CORIN: variants seen among roughly 807,000 people sequenced by gnomAD.
The protein encoded by CORIN is corin, serine peptidase.
CORIN carries 117 observed loss-of-function variants against 125.3 expected under a neutral mutation model. That is an observed-to-expected ratio of 0.93 (90% CI 0.80 to 1.09). The LOEUF is 1.09. Ranked by LOEUF, CORIN falls within the 50% of genes least tolerant of loss-of-function variation. CORIN has a pLI of 0.00. For missense variants in CORIN, 1,253 were observed against 1,306.7 expected (o/e 0.96, Z 0.63); for synonymous variants, 450 against 466.4 (o/e 0.96, Z 0.45).
At chr4:47,687,976 G>A (rs1048687119) in intron 6 of CORIN, among the ~76,000 whole-genome samples, 8 of 152,112 alleles carry the variant, frequency 5.3e-5, no homozygotes, top group African/African-American at 1.9e-4. Flanking sequence ...CCTGTGCAGG[G>A]TAGTTTGTTT....
intron 1 of CORIN, among the ~76,000 whole-genome samples, chr4:47,821,721 G>A (rs1038789321): frequency 6.6e-6 from 1 of 152,010 alleles, no homozygotes; most frequent in African/African-American, 2.4e-5. Flanking sequence ...TCTTCCCAGC[G>A]CTAAAGTTAT....
chr4:47,663,195 T>C (rs971473234), intron 11 of CORIN, among the ~76,000 whole-genome samples: 16 of 152,158 alleles, frequency 1.1e-4, no homozygotes, highest in Admixed American at 9.2e-4. Context: ...ATAGTCCTTG[T>C]AGTGTTCAGC....
At chr4:47,766,081 T>C (rs1239076778) in intron 3 of CORIN, among the ~76,000 whole-genome samples, 1 of 152,216 alleles carries the variant, frequency 6.6e-6, no homozygotes, top group Non-Finnish European at 1.5e-5. Context: ...GAGCTCAAAA[T>C]CGAATCTGGA....
intron 3 of CORIN, among the ~76,000 whole-genome samples, chr4:47,781,981 A>C (rs1230690112): frequency 6.6e-6 from 1 of 152,002 alleles, no homozygotes. Context: ...GAAATAAAGA[A>C]GGACATTTTA....
chr4:47,684,672 G>A (rs1725432279), intron 6 of CORIN, among the ~76,000 whole-genome samples: 1 of 152,282 alleles, frequency 6.6e-6, no homozygotes, highest in South Asian at 2.1e-4. Context: ...GAAAGAGAAT[G>A]TTCTTTTCAA....
In CORIN at chr4:47,643,862, C is replaced by G. The variant is rs1230683923; in HGVS notation, c.1958-606G>C. Reference sequence around the variant, plus strand: ...AAGATCCTGATTAGTTTAAGCTGGGCATGGCATTTTTCTGTCTACAGTTTT... The same window carrying G: ...AAGATCCTGATTAGTTTAAGCTGGGGATGGCATTTTTCTGTCTACAGTTTT... On this transcript the variant is annotated intron_variant, in intron 14 of 21. Coordinates refer to ENST00000273857, the MANE Select transcript of CORIN (RefSeq NM_006587.4). Among the ~76,000 whole-genome samples, 3 of 152,174 alleles carry G rather than the reference C, an allele frequency of 2.0e-5. No homozygotes were observed. The East Asian group carries it at 5.8e-4, about 29-fold the overall frequency.
chr4:47,596,260 TTGACTTA>T (rs1284721343), intron 21 of CORIN, among the ~76,000 whole-genome samples: 2 of 152,300 alleles, frequency 1.3e-5, no homozygotes, highest in East Asian at 3.9e-4. Context: ...TAATTTAAGC[TTGACTTA>T]TGACTGTGGA....
chr4:47,786,522 C>A (rs1447592463), intron 3 of CORIN, among the ~76,000 whole-genome samples: 1 of 152,096 alleles, frequency 6.6e-6, no homozygotes, highest in Non-Finnish European at 1.5e-5. Flanking sequence ...GCCTGGGTGA[C>A]AAGAGCAAAA....
At chr4:47,621,095 C>T (rs1560475692) in intron 19 of CORIN, among the ~76,000 whole-genome samples, 1 of 152,020 alleles carries the variant, frequency 6.6e-6, no homozygotes, top group South Asian at 2.1e-4. Context: ...AATAAAATGG[C>T]TAGTATGGTG....
intron 6 of CORIN, among the ~76,000 whole-genome samples, chr4:47,685,388 C>G (rs1045574348): frequency 6.6e-6 from 1 of 152,104 alleles, no homozygotes; most frequent in Non-Finnish European, 1.5e-5. Flanking sequence ...CAAAAAGTTA[C>G]GCTGTGTGAA....
chr4:47,800,882 C>T (rs1451647166), intron 2 of CORIN, among the ~76,000 whole-genome samples: 1 of 152,112 alleles, frequency 6.6e-6, no homozygotes, highest in East Asian at 1.9e-4. Context: ...TCCTGTTTGT[C>T]TTCCCCTTAA....
chr4:47,666,769 A>C (rs1432322607), intron 10 of CORIN, among the ~76,000 whole-genome samples: 2 of 152,174 alleles, frequency 1.3e-5, no homozygotes, highest in African/African-American at 4.8e-5. Context: ...GTTACCAGAG[A>C]CCAAGTCTGC....
intron 15 of CORIN, among the ~76,000 whole-genome samples, chr4:47,642,310 T>C (rs1324540418): frequency 6.6e-6 from 1 of 152,230 alleles, no homozygotes; most frequent in Non-Finnish European, 1.5e-5. Flanking sequence ...CTTTTCTTAA[T>C]GAGTTAGAAG....
chr4:47,718,157 G>A (rs1577858590), intron 5 of CORIN, among the ~76,000 whole-genome samples: 1 of 152,146 alleles, frequency 6.6e-6, no homozygotes, highest in Non-Finnish European at 1.5e-5. Context: ...ATTAGACTTC[G>A]TTTCCAAAAG....
At chr4:47,733,738 C>A (rs1157351443) in intron 5 of CORIN, among the ~76,000 whole-genome samples, 4 of 152,192 alleles carry the variant, frequency 2.6e-5, no homozygotes, top group Non-Finnish European at 5.9e-5. Context: ...TATTTTAAAA[C>A]CTCTGACGAA....
chr4:47,704,198 C>T (rs1726443425), intron 5 of CORIN, among the ~76,000 whole-genome samples: 1 of 152,068 alleles, frequency 6.6e-6, no homozygotes, highest in Admixed American at 6.5e-5. Flanking sequence ...TATAACAAAG[C>T]CACACAGACT....
At chr4:47,819,229 A>C (rs976976946) in intron 1 of CORIN, among the ~76,000 whole-genome samples, 11 of 152,192 alleles carry the variant, frequency 7.2e-5, no homozygotes. Context: ...AATGGTAGAC[A>C]AGATTTACTT....
intron 21 of CORIN, 67 bp from the exon 22 acceptor site, chr4:47,595,970 C>T: frequency 7.7e-7 from 1 of 1,305,144 alleles, no homozygotes; most frequent in Non-Finnish European, 1.1e-6. Flanking sequence ...CCATGCTATC[C>T]TGAGGATACT....
At chr4:47,606,418 A>C (rs1405528186) in intron 19 of CORIN, among the ~76,000 whole-genome samples, 2 of 151,898 alleles carry the variant, frequency 1.3e-5, no homozygotes, top group Non-Finnish European at 2.9e-5. Flanking sequence ...ACCATATCTG[A>C]CTAAATTTTT....
Sources: allele counts gnomAD v4.1 joint callset (sites outside exome capture counted in the v4.1 genomes callset), GRCh38; gene constraint gnomAD v4.1.1; transcripts MANE v1.5; gene names NCBI Gene and HGNC (gene_info 2026-07-23, HGNC 2026-07-21).